SCFD2: variants seen among roughly 807,000 people sequenced by gnomAD.
SCFD2 encodes the protein sec1 family domain-containing protein 2.
In SCFD2, 54 loss-of-function variants were observed where a neutral mutation model predicts 58.9. The observed-to-expected ratio is 0.92, with a 90% CI of 0.74 to 1.15. The LOEUF (loss-of-function observed/expected upper bound fraction) is 1.15, where lower values mean the gene tolerates loss of function less well. SCFD2 is among the 50% of genes most tolerant of loss of function. The pLI is 0.00. For missense variants in SCFD2, 805 were observed against 836.6 expected, an observed-to-expected ratio of 0.96 and a Z score of 0.47; for synonymous variants, 321 against 335.9, an observed-to-expected ratio of 0.96 and a Z score of 0.49.
rs190797834 is a variant in SCFD2, at chr4:52,947,769, T to C, written c.1562-26899A>G. Among the ~76,000 whole-genome samples, 144 of 149,160 alleles carry C rather than the reference T, an allele frequency of 9.7e-4. 1 individual carries two copies. The highest frequency in any genetic ancestry group is 3.9e-3 in the Admixed American group (59 of 14,976). Reference sequence around the variant, plus strand: ...AAATTTCATGGAAAAAAAATACAGGTGTACTAAATGTGAAAAGGCCAAAAC... The same window carrying C: ...AAATTTCATGGAAAAAAAATACAGGCGTACTAAATGTGAAAAGGCCAAAAC... On this transcript the variant is annotated intron_variant, in intron 5 of 8. Coordinates refer to ENST00000401642, the MANE Select transcript of SCFD2 (RefSeq NM_152540.4).
intron 3 of SCFD2, among the ~76,000 whole-genome samples, chr4:53,305,475 T>G (rs940480897): frequency 2.0e-5 from 3 of 152,200 alleles, no homozygotes; most frequent in Non-Finnish European, 4.4e-5. Flanking sequence ...TAAGCACACA[T>G]ACTAATTATC....
intron 5 of SCFD2, among the ~76,000 whole-genome samples, chr4:53,109,765 A>T (rs1433172211): frequency 6.6e-6 from 1 of 152,196 alleles, no homozygotes; most frequent in Non-Finnish European, 1.5e-5. Flanking sequence ...TAATAGGAAG[A>T]ATCAATATCA....
At chr4:53,212,602 G>GTGTGTGTGTGTGTGTGTGTGTGTGTGTT (rs57906429) in intron 4 of SCFD2, among the ~76,000 whole-genome samples, 2 of 150,390 alleles carry the variant, frequency 1.3e-5, no homozygotes, top group African/African-American at 4.9e-5. Context: ...GTGTGTGTGT[G>GTGTGTGTGTGTGTGTGTGTGTGTGTGTT]TGTGTGCATG....
intron 5 of SCFD2, among the ~76,000 whole-genome samples, chr4:52,921,618 AT>A (rs1267329751): frequency 2.0e-5 from 3 of 152,178 alleles, no homozygotes; most frequent in Non-Finnish European, 2.9e-5. Context: ...TGTCTCCACC[AT>A]TTTAAGTATA....
intron 5 of SCFD2, among the ~76,000 whole-genome samples, chr4:53,020,211 A>G (rs1446534387): frequency 6.6e-6 from 1 of 152,204 alleles, no homozygotes; most frequent in Non-Finnish European, 1.5e-5. Context: ...ATGTGTCTGT[A>G]ACAGTACTGT....
In SCFD2 at chr4:53,365,059, C is replaced by A; in HGVS notation, c.838+45G>T. The A allele has an allele frequency of 1.9e-6, 3 of 1,570,470 alleles. No individual in the cohort carries two copies. The highest frequency in any genetic ancestry group is 2.6e-6 in the Non-Finnish European group (3 of 1,161,166). On this transcript the variant is annotated intron_variant, in intron 1 of 8. Transcript: ENST00000401642. The surrounding 1 kb of genome is among the most constrained non-coding windows in gnomAD (Gnocchi z 4.3). ...TATGCTGAATCAATGAAAGTCCCAG[C>A]AATGTGGGGAATGGTAATGAAGAAC... is the stretch of plus-strand genomic sequence containing the variant.
intron 1 of SCFD2, among the ~76,000 whole-genome samples, chr4:53,364,467 T>C (rs1007784041): frequency 6.6e-6 from 1 of 152,232 alleles, no homozygotes; most frequent in African/African-American, 2.4e-5. Context: ...AGGATTACAT[T>C]TGTTTCTTTT....
intron 2 of SCFD2, among the ~76,000 whole-genome samples, chr4:53,316,966 G>T (rs1732882990): frequency 6.6e-6 from 1 of 151,968 alleles, no homozygotes; most frequent in African/African-American, 2.4e-5. Context: ...AATTAACCGG[G>T]AGTGGTGGTG....
intron 1 of SCFD2, among the ~76,000 whole-genome samples, chr4:53,358,960 C>G (rs1734474859): frequency 6.6e-6 from 1 of 152,270 alleles, no homozygotes; most frequent in South Asian, 2.1e-4. Flanking sequence ...TATATTTAAG[C>G]CCTGAGTGCT....
intron 2 of SCFD2, among the ~76,000 whole-genome samples, chr4:53,346,590 T>C (rs998347017): frequency 2.0e-5 from 3 of 152,192 alleles, no homozygotes; most frequent in Admixed American, 2.0e-4. Flanking sequence ...TCAAGTCTAA[T>C]GTTACAACTT....
At chr4:53,219,027 G>A (rs1478612740) in intron 4 of SCFD2, among the ~76,000 whole-genome samples, 4 of 152,202 alleles carry the variant, frequency 2.6e-5, no homozygotes, top group African/African-American at 9.6e-5. Context: ...ACCCGGCCGT[G>A]TGAGGTGTCA....
intron 5 of SCFD2, among the ~76,000 whole-genome samples, chr4:52,944,333 T>G (rs1306205913): frequency 6.6e-6 from 1 of 152,196 alleles, no homozygotes; most frequent in African/African-American, 2.4e-5. Context: ...GGAGAAGACA[T>G]TGAAATTATA....
chr4:52,888,649 A>C (rs1475445193), intron 7 of SCFD2, among the ~76,000 whole-genome samples: 1 of 152,158 alleles, frequency 6.6e-6, no homozygotes, highest in Non-Finnish European at 1.5e-5. Flanking sequence ...CCATGACAGT[A>C]CTTTCTCTAG....
intron 3 of SCFD2, among the ~76,000 whole-genome samples, chr4:53,306,700 T>C (rs1349807005): frequency 6.6e-6 from 1 of 152,142 alleles, no homozygotes; most frequent in Non-Finnish European, 1.5e-5. Context: ...CACACACACT[T>C]AACTATATCA....
At chr4:53,315,287 T>C (rs981700446) in intron 2 of SCFD2, among the ~76,000 whole-genome samples, 8 of 148,512 alleles carry the variant, frequency 5.4e-5, no homozygotes, top group Non-Finnish European at 8.9e-5. Flanking sequence ...ATATAAAATC[T>C]TGGTTACAAA....
intron 6 of SCFD2, among the ~76,000 whole-genome samples, chr4:52,915,193 A>G (rs1340940963): frequency 6.6e-6 from 1 of 152,200 alleles, no homozygotes; most frequent in Non-Finnish European, 1.5e-5. Context: ...CACCTTAAAA[A>G]TGACTTAGGA....
At chr4:53,229,759 G>A (rs988309835) in intron 4 of SCFD2, among the ~76,000 whole-genome samples, 45 of 152,020 alleles carry the variant, frequency 3.0e-4, no homozygotes, top group African/African-American at 7.0e-4. Flanking sequence ...ACAAAAGCCA[G>A]AATTGACAAA....
intron 5 of SCFD2, among the ~76,000 whole-genome samples, chr4:53,085,233 T>C (rs1724271515): frequency 6.6e-6 from 1 of 152,164 alleles, no homozygotes; most frequent in Admixed American, 6.6e-5. Context: ...TATTTCTATA[T>C]ATCAACAGTG....
rs1183502487 is a variant in SCFD2 at position 53,329,686 on chromosome 4, A to G, written c.1008-15923T>C. 7.2e-5 allele frequency among the ~76,000 whole-genome samples: 11 copies of G among 152,348 alleles called. No homozygotes were observed. The South Asian group carries it at 1.9e-3, about 26-fold the overall frequency. On this transcript the variant is annotated intron_variant, in intron 2 of 8. Transcript: ENST00000401642. ...AAGTAGAAACTCTAAAACGCAGAGC[A>G]CCTCTCCTCCTCCAAAGGAACGCAG...
Sources: gnomAD v4.1 joint callset for allele counts (sites outside exome capture counted in the v4.1 genomes callset) on GRCh38, gnomAD v4.1.1 for gene constraint, Gnocchi (gnomAD v3.1) non-coding constraint, MANE v1.5 for transcripts, NCBI Gene and HGNC (gene_info 2026-07-23, HGNC 2026-07-21) for gene names.